Variants in ZCCHC17 observed in about 807,000 individuals in gnomAD.
ZCCHC17 encodes zinc finger CCHC domain-containing protein 17.
Under a neutral mutation model 30.6 loss-of-function variants are expected in ZCCHC17, and 18 were observed. The ratio of observed to expected loss-of-function variants is 0.59; its 90% CI spans 0.41 to 0.87. The LOEUF is 0.87. Ranked by LOEUF, ZCCHC17 falls within the 40% of genes least tolerant of loss-of-function variation. The pLI, the probability that ZCCHC17 is intolerant of heterozygous loss-of-function variation, is 0.00. For missense variants in ZCCHC17, 263 were observed against 284.2 expected, an observed-to-expected ratio of 0.93 and a Z score of 0.54; for synonymous variants, 88 against 92.4, an observed-to-expected ratio of 0.95 and a Z score of 0.27.
chr1:31,300,446 A>T (rs2148400949), intron 1 of ZCCHC17, among the ~76,000 whole-genome samples: 1 of 152,236 alleles, frequency 6.6e-6, no homozygotes, highest in African/African-American at 2.4e-5. Flanking sequence ...AGTTCCGCCA[A>T]AGTCTGTTAT....
At chr1:31,349,988 C>G (rs1639411781) in intron 7 of ZCCHC17, among the ~76,000 whole-genome samples, 1 of 152,174 alleles carries the variant, frequency 6.6e-6, no homozygotes, top group Admixed American at 6.5e-5. Flanking sequence ...CCAGAAAATA[C>G]TTATCTGTCC....
chr1:31,333,889 C>T (rs941780975), intron 3 of ZCCHC17, among the ~76,000 whole-genome samples: 9 of 152,160 alleles, frequency 5.9e-5, no homozygotes, highest in Non-Finnish European at 1.3e-4. Context: ...TCCATCATAA[C>T]TTTCATTAGC....
intron 3 of ZCCHC17, among the ~76,000 whole-genome samples, chr1:31,323,461 A>G (rs1646909885): frequency 6.6e-6 from 1 of 152,032 alleles, no homozygotes; most frequent in African/African-American, 2.4e-5. Context: ...AGCTGGGACT[A>G]CAGGCACCCG....
chr1:31,362,774 A>T (rs1296212839), intron 7 of ZCCHC17, among the ~76,000 whole-genome samples: 1 of 152,222 alleles, frequency 6.6e-6, no homozygotes, highest in Non-Finnish European at 1.5e-5. Context: ...CTGTTTCTAG[A>T]TAGACTGGCT....
At chr1:31,300,032 C>G (rs1328482028) in intron 1 of ZCCHC17, among the ~76,000 whole-genome samples, 1 of 152,106 alleles carries the variant, frequency 6.6e-6, no homozygotes, top group East Asian at 1.9e-4. Context: ...TCTCTACTTC[C>G]CCCAGACCCT....
At chr1:31,309,128 TTTCTC>T (rs1400348046) in intron 1 of ZCCHC17, among the ~76,000 whole-genome samples, 1 of 152,158 alleles carries the variant, frequency 6.6e-6, no homozygotes, top group Non-Finnish European at 1.5e-5. Context: ...AGTAAGCCCT[TTTCTC>T]TTTGAAGTCA....
At chr1:31,338,535 A>G (rs933112937) in intron 4 of ZCCHC17, among the ~76,000 whole-genome samples, 3 of 152,184 alleles carry the variant, frequency 2.0e-5, no homozygotes, top group African/African-American at 7.2e-5. Context: ...AAGAAGACCA[A>G]TGTGACAAAT....
intron 5 of ZCCHC17, among the ~76,000 whole-genome samples, chr1:31,345,161 T>G (rs1484583215): frequency 6.6e-6 from 1 of 151,254 alleles, no homozygotes; most frequent in East Asian, 1.9e-4. Context: ...TTTGTTTGTT[T>G]GTTTGTTTGT....
At chr1:31,311,428 T>A (rs904747075) in intron 2 of ZCCHC17, among the ~76,000 whole-genome samples, 2 of 152,218 alleles carry the variant, frequency 1.3e-5, no homozygotes, top group African/African-American at 4.8e-5. Context: ...GCTCTCTCTT[T>A]AGGATTTGTG....
intron 2 of ZCCHC17, among the ~76,000 whole-genome samples, chr1:31,316,086 T>G (rs898326379): frequency 6.6e-6 from 1 of 152,180 alleles, no homozygotes; most frequent in Non-Finnish European, 1.5e-5. Flanking sequence ...CTTCCAGATT[T>G]ATTTATTTAT....
At chr1:31,324,466 C>T (rs1428106275) in intron 3 of ZCCHC17, among the ~76,000 whole-genome samples, 12 of 152,208 alleles carry the variant, frequency 7.9e-5, no homozygotes. Context: ...TGCCGCCACC[C>T]AGCCCTGGCT....
At chr1:31,307,972 A>G (rs1033791772) in intron 1 of ZCCHC17, among the ~76,000 whole-genome samples, 3 of 152,166 alleles carry the variant, frequency 2.0e-5, no homozygotes, top group Non-Finnish European at 2.9e-5. Flanking sequence ...TCTGTACCTC[A>G]CTAATACGTT....
Position 31,364,106 on chromosome 1 carries a change from C to T in ZCCHC17, c.639C>T (p.Gly213=). ...GCTCAGACTCTGAGAGTGATACAGG[C>T]AAGAGGGCAAGGCACACATCAAAAG... The part of the protein sequence containing the change: ...SDSSDSESDT[G]KRARHTSKDS... The change falls in exon 8 of 8, where the codon GGC becomes GGT. Residue 213 remains glycine (G), a synonymous_variant. Transcript: ENST00000344147. The T allele has an allele frequency of 6.2e-7, 1 of 1,613,660 alleles. No individual in the cohort carries two copies. Among genetic ancestry groups the T allele is most frequent in the East Asian group, 2.2e-5 (1 of 44,862 alleles).
At chr1:31,339,323 C>T (rs955517807) in intron 5 of ZCCHC17, among the ~76,000 whole-genome samples, 1 of 152,140 alleles carries the variant, frequency 6.6e-6, no homozygotes, top group African/African-American at 2.4e-5. Flanking sequence ...CATGGCGAAA[C>T]CCCGTCTCTA....
intron 7 of ZCCHC17, among the ~76,000 whole-genome samples, chr1:31,357,451 A>G (rs1291264350): frequency 6.6e-6 from 1 of 152,172 alleles, no homozygotes; most frequent in African/African-American, 2.4e-5. Context: ...CCCACACACT[A>G]TACTCCAGCT....
At chr1:31,329,596 G>A (rs1638496996) in intron 3 of ZCCHC17, among the ~76,000 whole-genome samples, 1 of 152,204 alleles carries the variant, frequency 6.6e-6, no homozygotes, top group African/African-American at 2.4e-5. Flanking sequence ...GTCTAGTGAT[G>A]TAAACAAATT....
At chr1:31,355,936 C>A (rs542148462) in intron 7 of ZCCHC17, among the ~76,000 whole-genome samples, 3 of 152,152 alleles carry the variant, frequency 2.0e-5, no homozygotes, top group Non-Finnish European at 4.4e-5. Flanking sequence ...GTGTGAGTGG[C>A]AGATTTGGAC....
chr1:31,360,067 G>A (rs1263692650), intron 7 of ZCCHC17, among the ~76,000 whole-genome samples: 1 of 151,762 alleles, frequency 6.6e-6, no homozygotes, highest in Non-Finnish European at 1.5e-5. Context: ...CCCAACCTCT[G>A]CCTCCGGGTT....
chr1:31,322,053 G>C (rs1457386525), intron 3 of ZCCHC17, among the ~76,000 whole-genome samples: 1 of 152,114 alleles, frequency 6.6e-6, no homozygotes, highest in Non-Finnish European at 1.5e-5. Flanking sequence ...AAATTACGTG[G>C]AACTAAATAC....
Sources: gnomAD v4.1 joint callset for allele counts (sites outside exome capture counted in the v4.1 genomes callset) on GRCh38, gnomAD v4.1.1 for gene constraint, MANE v1.5 for transcripts, NCBI Gene and HGNC (gene_info 2026-07-23, HGNC 2026-07-21) for gene names.